Variants in MMD2 observed in about 807,000 individuals in gnomAD.
The protein encoded by MMD2 is monocyte to macrophage differentiation factor 2.
Under a neutral mutation model 33.5 loss-of-function variants are expected in MMD2, and 30 were observed. That is an observed-to-expected ratio of 0.90 (90% CI 0.67 to 1.22). The LOEUF is 1.22. Ranked by LOEUF, MMD2 falls within the 50% of genes most tolerant of loss-of-function variation. MMD2 has a pLI of 0.00. For missense variants in MMD2, 364 were observed against 325.4 expected, an observed-to-expected ratio of 1.12 and a Z score of -0.91; for synonymous variants, 129 against 123.0, an observed-to-expected ratio of 1.05 and a Z score of -0.32.
chr7:4,941,950 A>C (rs1785923278), intron 1 of MMD2, among the ~76,000 whole-genome samples: 1 of 151,586 alleles, frequency 6.6e-6, no homozygotes, highest in African/African-American at 2.4e-5. Context: ...GTGGGAGGTC[A>C]TTTATTTATT....
At chr7:4,927,795 G>C (rs1308807985) in intron 1 of MMD2, among the ~76,000 whole-genome samples, 2 of 152,148 alleles carry the variant, frequency 1.3e-5, no homozygotes, top group African/African-American at 4.8e-5. Flanking sequence ...TATCACCTCT[G>C]TTTAATCCTC....
chr7:4,920,002 G>T (rs554887904), intron 3 of MMD2, among the ~76,000 whole-genome samples, 169 bp downstream of exon 3: 22 of 152,356 alleles, frequency 1.4e-4, no homozygotes, highest in Admixed American at 1.3e-3. Context: ...GGCAGGGCTT[G>T]TGCCTCCTGC....
At chr7:4,925,622 G>A in intron 1 of MMD2, 90 bp from the exon 2 acceptor site, 17 of 913,804 alleles carry the variant, frequency 1.9e-5, no homozygotes, top group Non-Finnish European at 2.6e-5. Flanking sequence ...ACTTCCTACT[G>A]GTAGGAAAAG....
chr7:4,924,388 A>C (rs1010934485), intron 2 of MMD2, among the ~76,000 whole-genome samples: 1 of 152,190 alleles, frequency 6.6e-6, no homozygotes, highest in Non-Finnish European at 1.5e-5. Context: ...TTGAGAATTA[A>C]TTCACCTCCA....
At chr7:4,911,391 A>G in intron 4 of MMD2, 145 bp from the exon 5 acceptor site, 1 of 616,278 alleles carries the variant, frequency 1.6e-6, no homozygotes, top group South Asian at 1.9e-5. Context: ...GCTCACAGGA[A>G]GACGGGTGAA....
At chr7:4,932,061 C>T (rs1431055330) in intron 1 of MMD2, among the ~76,000 whole-genome samples, 1 of 152,222 alleles carries the variant, frequency 6.6e-6, no homozygotes, top group Non-Finnish European at 1.5e-5. Context: ...GCAGCCCTGG[C>T]TTCCCCTGCT....
intron 1 of MMD2, among the ~76,000 whole-genome samples, chr7:4,929,265 C>A (rs534356378): frequency 3.0e-4 from 46 of 152,266 alleles, no homozygotes; most frequent in African/African-American, 1.1e-3. Flanking sequence ...AAAACTAAGA[C>A]CCCTGGGGCC....
At chr7:4,908,688 G>A (rs192269036) in intron 6 of MMD2, among the ~76,000 whole-genome samples, 1 of 151,656 alleles carries the variant, frequency 6.6e-6, no homozygotes, top group Non-Finnish European at 1.5e-5. Context: ...CACGAGGTCA[G>A]GAGTTCGAGA....
At chr7:4,939,628 T>C (rs73322952) in intron 1 of MMD2, among the ~76,000 whole-genome samples, 30,900 of 152,058 alleles carry the variant, frequency 0.2, 4,236 homozygotes, top group African/African-American at 0.38. Flanking sequence ...GAACACTAGA[T>C]AGTAATGAGA....
chr7:4,894,088 C>T, the MMD2 span, among the ~76,000 whole-genome samples: 1 of 152,072 alleles, frequency 6.6e-6, no homozygotes, highest in Non-Finnish European at 1.5e-5. This position sits in a 1 kb window ranked among gnomAD's most constrained non-coding sequence, Gnocchi z 4.3. Flanking sequence ...GTCTTTTTTA[C>T]TCAGCCCCTA....
chr7:4,932,733 C>T (rs1265220542), intron 1 of MMD2, among the ~76,000 whole-genome samples: 1 of 151,852 alleles, frequency 6.6e-6, no homozygotes, highest in Non-Finnish European at 1.5e-5. Context: ...AGTGATTCTC[C>T]TGCCTCAGCC....
At chr7:4,933,302 C>A (rs1336188248) in intron 1 of MMD2, among the ~76,000 whole-genome samples, 1 of 152,146 alleles carries the variant, frequency 6.6e-6, no homozygotes, top group African/African-American at 2.4e-5. Context: ...GTCAAGGCTA[C>A]AGTGAGCCAA....
intron 4 of MMD2, among the ~76,000 whole-genome samples, chr7:4,912,685 GT>G (rs988580550): frequency 3.0e-4 from 46 of 152,096 alleles, no homozygotes; most frequent in African/African-American, 9.9e-4. Flanking sequence ...GGTCCTTTAA[GT>G]TTTTTCTGGA....
At chr7:4,926,103 G>A (rs558127808) in intron 1 of MMD2, among the ~76,000 whole-genome samples, 1 of 151,300 alleles carries the variant, frequency 6.6e-6, no homozygotes, top group South Asian at 2.1e-4. Flanking sequence ...ACCACGCCGG[G>A]CTTTTTTTTT....
Position 4,942,562 on chromosome 7 carries a change from C to T in MMD2, c.47+16409G>A, listed in dbSNP as rs1014584120. Among the ~76,000 whole-genome samples, 9 of 151,962 alleles carry T rather than the reference C, an allele frequency of 5.9e-5. No homozygotes were observed. In the South Asian group the frequency reaches 6.2e-4, roughly 10 times the overall value. On this transcript the variant is annotated intron_variant, in intron 1 of 6. Transcript: ENST00000401401. ...GGATTACAGGCATGAGCCATACACC[C>T]GGCCCTAGGAGGACATTTCTAATTC... is the stretch of plus-strand genomic sequence containing the variant.
At chr7:4,936,404 C>T (rs1027591659) in intron 1 of MMD2, among the ~76,000 whole-genome samples, 1 of 151,980 alleles carries the variant, frequency 6.6e-6, no homozygotes, top group African/African-American at 2.4e-5. Flanking sequence ...GGGTGCTGGT[C>T]ACAGAAGACT....
Position 4,943,347 on chromosome 7 carries a change from G to A in MMD2, c.47+15624C>T, listed in dbSNP as rs141587409. On this transcript the variant is annotated intron_variant, in intron 1 of 6. Transcript: ENST00000401401. ...TTTAGTAAACACGGGCTTTCACCAT[G>A]TTGACGAGGATGATCTCGATCTCCC... Among the ~76,000 whole-genome samples, 62 of 152,082 alleles carry A rather than the reference G, an allele frequency of 4.1e-4. No homozygotes were observed. In the East Asian group the frequency reaches 0.01, roughly 25 times the overall value.
chr7:4,898,884 G>A, the MMD2 span, among the ~76,000 whole-genome samples: 4 of 151,988 alleles, frequency 2.6e-5, no homozygotes, highest in Admixed American at 1.3e-4. Context: ...GGGCAACACA[G>A]TGAGACTCTG....
intron 1 of MMD2, among the ~76,000 whole-genome samples, chr7:4,932,246 G>T (rs1462065718): frequency 6.6e-6 from 1 of 152,102 alleles, no homozygotes; most frequent in Non-Finnish European, 1.5e-5. Context: ...GAGGGGAGAG[G>T]GAGGCCCGGA....
Sources: gnomAD v4.1 joint callset for allele counts (sites outside exome capture counted in the v4.1 genomes callset) on GRCh38, gnomAD v4.1.1 for gene constraint, Gnocchi (gnomAD v3.1) non-coding constraint, MANE v1.5 for transcripts, NCBI Gene and HGNC (gene_info 2026-07-23, HGNC 2026-07-21) for gene names.